RIMS2: variants seen among roughly 807,000 people sequenced by gnomAD.
The protein encoded by RIMS2 is regulating synaptic membrane exocytosis 2.
A neutral mutation model predicts 174.4 loss-of-function variants in RIMS2; 59 were observed. The observed-to-expected ratio is 0.34, with a 90% CI of 0.27 to 0.42. The LOEUF is 0.42. RIMS2 is among the 10% of genes least tolerant of loss of function. The probability of loss-of-function intolerance (pLI) is 1.00; values close to 1 mark genes in which losing one functional copy is unlikely to be tolerated. For synonymous variants in RIMS2, 606 were observed against 572.5 expected, an observed-to-expected ratio of 1.06 and a Z score of -0.84; for missense variants, 1,620 against 1,666.3, an observed-to-expected ratio of 0.97 and a Z score of 0.48.
At chr8:104,053,186 G>A (rs2096816082) in intron 19 of RIMS2, among the ~76,000 whole-genome samples, 1 of 152,236 alleles carries the variant, frequency 6.6e-6, no homozygotes, top group African/African-American at 2.4e-5. Context: ...AGTAGAGGGA[G>A]TTCTTGCTAA....
intron 1 of RIMS2, among the ~76,000 whole-genome samples, chr8:103,528,685 A>G (rs1835344976): frequency 2.0e-5 from 3 of 152,174 alleles, no homozygotes; most frequent in Non-Finnish European, 4.4e-5. Flanking sequence ...CAGGTTTGTC[A>G]AAGATCAGAT....
chr8:103,556,044 T>A (rs988871215), intron 1 of RIMS2, among the ~76,000 whole-genome samples: 1 of 152,002 alleles, frequency 6.6e-6, no homozygotes, highest in Non-Finnish European at 1.5e-5. Context: ...TGTGGTGGGG[T>A]TGAAATAAGG....
intron 3 of RIMS2, among the ~76,000 whole-genome samples, chr8:103,865,292 T>TA (rs1227691039): frequency 6.9e-6 from 1 of 145,800 alleles, no homozygotes; most frequent in Non-Finnish European, 1.5e-5. Context: ...TTCTTTTTTT[T>TA]TTTTTTTTTT....
chr8:103,903,651 T>A (rs1183265065), intron 4 of RIMS2, among the ~76,000 whole-genome samples: 1 of 152,196 alleles, frequency 6.6e-6, no homozygotes, highest in Non-Finnish European at 1.5e-5. Context: ...TAAGTATGTT[T>A]AACTTGTGTT....
intron 13 of RIMS2, among the ~76,000 whole-genome samples, chr8:103,941,558 A>G (rs1163085355): frequency 6.6e-6 from 1 of 152,150 alleles, no homozygotes; most frequent in Admixed American, 6.5e-5. Context: ...ATAAATAGTA[A>G]TTTATCTTTA....
At chr8:103,677,607 C>T (rs549734073) in intron 1 of RIMS2, among the ~76,000 whole-genome samples, 1 of 152,310 alleles carries the variant, frequency 6.6e-6, no homozygotes, top group South Asian at 2.1e-4. Flanking sequence ...AGGTACTTTG[C>T]TTGGTTACCC....
chr8:103,593,631 A>G (rs1430079361), intron 1 of RIMS2, among the ~76,000 whole-genome samples: 2 of 151,572 alleles, frequency 1.3e-5, no homozygotes, highest in Non-Finnish European at 3.0e-5. Context: ...ACAGAAGCAG[A>G]TATGAAAATC....
At chr8:103,803,055 G>A (rs1408599127) in intron 3 of RIMS2, among the ~76,000 whole-genome samples, 1 of 151,884 alleles carries the variant, frequency 6.6e-6, no homozygotes, top group Non-Finnish European at 1.5e-5. Flanking sequence ...CTTCCTGCTT[G>A]TTACTATAGA....
chr8:104,086,328 TTG>T (rs1434091455), intron 19 of RIMS2, among the ~76,000 whole-genome samples: 9 of 151,104 alleles, frequency 6.0e-5, no homozygotes, highest in Admixed American at 4.6e-4. Context: ...TTAAGAGTTG[TTG>T]ATTCTCTTGA....
intron 3 of RIMS2, among the ~76,000 whole-genome samples, chr8:103,786,189 C>G (rs1254482394): frequency 6.6e-6 from 1 of 152,112 alleles, no homozygotes; most frequent in Non-Finnish European, 1.5e-5. Flanking sequence ...TGCTAGTGGT[C>G]TATCAATTTT....
chr8:104,166,963 C>T (rs1256464323), intron 19 of RIMS2, among the ~76,000 whole-genome samples: 2 of 152,050 alleles, frequency 1.3e-5, no homozygotes, highest in African/African-American at 4.8e-5. Flanking sequence ...TATTTCATTC[C>T]GTTTTATGGC....
intron 2 of RIMS2, among the ~76,000 whole-genome samples, chr8:103,711,066 G>A (rs2097297254): frequency 6.6e-6 from 1 of 152,176 alleles, no homozygotes; most frequent in Admixed American, 6.5e-5. Context: ...GATTTTAGTA[G>A]CATATTCTTA....
chr8:104,103,806 CA>C (rs1460473203), intron 19 of RIMS2, among the ~76,000 whole-genome samples: 1 of 151,960 alleles, frequency 6.6e-6, no homozygotes, highest in African/African-American at 2.4e-5. Context: ...ATATTATTCT[CA>C]AAAATTTAGG....
intron 1 of RIMS2, among the ~76,000 whole-genome samples, chr8:103,552,834 C>G (rs1245560953): frequency 6.6e-6 from 1 of 152,174 alleles, no homozygotes; most frequent in African/African-American, 2.4e-5. Flanking sequence ...AGCCAAAACA[C>G]ACATGAAAAA....
intron 19 of RIMS2, among the ~76,000 whole-genome samples, chr8:104,211,468 G>T (rs559442582): frequency 3.3e-5 from 5 of 152,080 alleles, no homozygotes; most frequent in Non-Finnish European, 7.4e-5. Flanking sequence ...TAGACATACA[G>T]GTCCTCCAAG....
At chr8:103,531,079 T>TA (rs60762984) in intron 1 of RIMS2, among the ~76,000 whole-genome samples, 5 of 151,312 alleles carry the variant, frequency 3.3e-5, no homozygotes, top group African/African-American at 9.7e-5. Context: ...ATCAAGCAGA[T>TA]AAAAAATTAG....
In RIMS2 at chr8:104,093,374, C is replaced by G; in HGVS notation, c.3334+78759C>G. 3 of 852,222 alleles carry G rather than the reference C, an allele frequency of 3.5e-6. No individual in the cohort carries two copies. The South Asian group carries it at 6.4e-5, about 18-fold the overall frequency. The allele number at this position is 852,222 out of a possible 1,614,324, so 52.8% of individuals were successfully genotyped here. ...ACTGAGTGGGATTTTGCAGTTTCCTCTGTGGACAATTAAAGTGATGAAATA... is the reference window on the plus strand; with the variant it reads ...ACTGAGTGGGATTTTGCAGTTTCCTGTGTGGACAATTAAAGTGATGAAATA... On this transcript the variant is annotated intron_variant, in intron 19 of 23. Transcript: ENST00000504942.
At chr8:104,128,768 C>T (rs2098451301) in intron 19 of RIMS2, among the ~76,000 whole-genome samples, 1 of 152,142 alleles carries the variant, frequency 6.6e-6, no homozygotes, top group Non-Finnish European at 1.5e-5. Flanking sequence ...TAACTCCCAG[C>T]TGTGCCCCAT....
intron 10 of RIMS2, among the ~76,000 whole-genome samples, chr8:103,922,261 G>T (rs2077819275): frequency 6.6e-6 from 1 of 151,824 alleles, no homozygotes; most frequent in African/African-American, 2.4e-5. Flanking sequence ...TGATACTTGA[G>T]ATATTTTTGT....
Sources: allele counts gnomAD v4.1 joint callset (sites outside exome capture counted in the v4.1 genomes callset), GRCh38; gene constraint gnomAD v4.1.1; transcripts MANE v1.5; gene names NCBI Gene and HGNC (gene_info 2026-07-23, HGNC 2026-07-21).